ARFGEF3: variants seen among roughly 807,000 people sequenced by gnomAD.
ARFGEF3 encodes brefeldin A-inhibited guanine nucleotide-exchange protein 3.
In ARFGEF3, 96 loss-of-function variants were observed where a neutral mutation model predicts 221.7. That is an observed-to-expected ratio of 0.43 (90% CI 0.37 to 0.51). ARFGEF3 has a LOEUF of 0.51. ARFGEF3 is among the 20% of genes least tolerant of loss of function. The pLI, the probability that ARFGEF3 is intolerant of heterozygous loss-of-function variation, is 0.00. For synonymous variants in ARFGEF3, 1,145 were observed against 1,126.8 expected, an observed-to-expected ratio of 1.02 and a Z score of -0.32; for missense variants, 2,410 against 2,789.9, an observed-to-expected ratio of 0.86 and a Z score of 3.07.
chr6:138,300,219 A>G (rs973440577), intron 22 of ARFGEF3, among the ~76,000 whole-genome samples: 2 of 152,262 alleles, frequency 1.3e-5, no homozygotes, highest in African/African-American at 4.8e-5. Context: ...GATTGAAATT[A>G]TAAGTTAACA....
intron 8 of ARFGEF3, among the ~76,000 whole-genome samples, chr6:138,248,608 A>G (rs1444771244): frequency 6.6e-6 from 1 of 152,024 alleles, no homozygotes; most frequent in Non-Finnish European, 1.5e-5. Flanking sequence ...AAACCTAGCT[A>G]GAGGTCAGGA....
At position 138,339,920 on chromosome 6, in the gene ARFGEF3, A is replaced by T. The variant is rs1049607279; in HGVS notation, c.*3434A>T. 10 of 152,210 alleles carry T rather than the reference A, an allele frequency of 6.6e-5. No homozygotes were observed. Among genetic ancestry groups the T allele is most frequent in the African/African-American group, 2.4e-4 (10 of 41,458 alleles). The allele number at this position is 152,210 out of a possible 1,614,324, so 9.4% of individuals were successfully genotyped here. On this transcript the variant is annotated 3_prime_UTR_variant, in exon 34 of 34. Coordinates refer to ENST00000251691, the MANE Select transcript of ARFGEF3 (RefSeq NM_020340.5). ...TAAGAACCCAGGCAGATGCTAACAT[A>T]CTTAACAGCTCGCATTAAAATACTT... is the stretch of plus-strand genomic sequence containing the variant.
rs1381796814 is a variant in ARFGEF3 at position 138,280,095 on chromosome 6, A to T, written c.2392A>T (p.Met798Leu). The change falls in exon 14 of 34, where the codon ATG becomes TTG. Residue 798 changes from methionine (M) to leucine (L), a missense_variant. Physicochemically the swap from Met to Leu is conservative, Grantham distance 15. Around this residue, in one of 5 missense-constraint regions of ARFGEF3, gnomAD observed 594 missense variants for 734.3 expected, o/e 0.81. Coordinates refer to ENST00000251691, the MANE Select transcript of ARFGEF3 (RefSeq NM_020340.5). ...CTACCATCAGGTGCTCGACAGGAAC[A>T]TGCTTGGAGAGGCTGGCTATTGGGG... ...ELYHQVLDRN[M>L]LGEAGYWGSP... The T allele has an allele frequency of 1.2e-6, 2 of 1,613,944 alleles. No homozygotes were observed. The highest frequency in any genetic ancestry group is 4.5e-5 in the East Asian group (2 of 44,880).
chr6:138,218,199 G>C (rs757860303), intron 4 of ARFGEF3: 2 of 1,613,886 alleles, frequency 1.2e-6, no homozygotes, highest in Admixed American at 3.3e-5. Context: ...AATGAACTCT[G>C]TTGCCTTTTG....
intron 12 of ARFGEF3, among the ~76,000 whole-genome samples, chr6:138,265,079 AT>A (rs1228851276): frequency 6.6e-6 from 1 of 151,838 alleles, no homozygotes; most frequent in Admixed American, 6.6e-5. Context: ...AATTTTTTGT[AT>A]TTTTAGTAGA....
intron 6 of ARFGEF3, among the ~76,000 whole-genome samples, chr6:138,239,534 A>G (rs1305440109): frequency 6.6e-6 from 1 of 151,810 alleles, no homozygotes; most frequent in Non-Finnish European, 1.5e-5. Flanking sequence ...CTGTAATCCC[A>G]GCTACTTGGG....
Position 138,278,573 on chromosome 6 carries a change from G to A in ARFGEF3, c.2251G>A (p.Gly751Ser), listed in dbSNP as rs765088385. 2.6e-5 allele frequency: 42 copies of A among 1,613,820 alleles called. No individual in the cohort carries two copies. Among genetic ancestry groups the A allele is most frequent in the African/African-American group, 1.6e-4 (12 of 74,926 alleles). ...ALLLNLKLSH[G>S]DYYRKRPTLA... is the part of the protein sequence containing the mutation. ...GCTCCTCAACCTGAAGCTCTCCCAC[G>A]GTGACTACTACAGGAAGCGGCCGAC... The change falls in exon 13 of 34, where the codon GGT becomes AGT. Residue 751 changes from glycine (G) to serine (S), a missense_variant. Physicochemically the swap from Gly to Ser is moderately conservative, Grantham distance 56. Around this residue, in one of 5 missense-constraint regions of ARFGEF3, gnomAD observed 594 missense variants for 734.3 expected, o/e 0.81. Coordinates refer to ENST00000251691, the MANE Select transcript of ARFGEF3 (RefSeq NM_020340.5).
At chr6:138,269,626 T>C (rs1407321291) in intron 12 of ARFGEF3, among the ~76,000 whole-genome samples, 4 of 151,934 alleles carry the variant, frequency 2.6e-5, no homozygotes, top group Non-Finnish European at 5.9e-5. Context: ...CTGACCAACA[T>C]GGAGAAACCC....
chr6:138,209,098 G>C (rs948016384), intron 3 of ARFGEF3, among the ~76,000 whole-genome samples: 1 of 152,110 alleles, frequency 6.6e-6, no homozygotes, highest in Non-Finnish European at 1.5e-5. Flanking sequence ...TCTTCTTGTT[G>C]AGGTTTTGGG....
chr6:138,262,870 G>A lies in ARFGEF3; in HGVS notation c.1387G>A (p.Asp463Asn), dbSNP rs1778818625. The A allele has an allele frequency of 1.9e-6, 3 of 1,613,940 alleles. No homozygotes were observed. The highest frequency in any genetic ancestry group is 2.2e-5 in the South Asian group (2 of 91,074). The part of the protein sequence containing the change: ...LLLLRLEELK[D>N]GAEWSRDSME... The stretch of plus-strand genomic sequence containing the variant: ...GCTTCTGCGCCTTGAGGAGCTGAAG[G>A]ATGGGGCTGAGTGGAGCCGAGATTC... The change falls in exon 12 of 34, where the codon GAT becomes AAT. Residue 463 changes from aspartate (D) to asparagine (N), a missense_variant. Transcript: ENST00000251691.
At position 138,337,656 on chromosome 6, in the gene ARFGEF3, T is replaced by C. The variant is rs1216531758; in HGVS notation, c.*1170T>C. 1 of 152,226 alleles carries C rather than the reference T, an allele frequency of 6.6e-6. No homozygotes were observed. The highest frequency in any genetic ancestry group is 1.5e-5 in the Non-Finnish European group (1 of 68,020). 9.4% of individuals were successfully genotyped at this position (152,226 alleles called of 1,614,324 possible). Reference sequence around the variant, plus strand: ...TAGAAAATTTTGTCGATTTAAAATATTTCTCCTATCTACCAAGTAAAGTTA... The same window carrying C: ...TAGAAAATTTTGTCGATTTAAAATACTTCTCCTATCTACCAAGTAAAGTTA... On this transcript the variant is annotated 3_prime_UTR_variant, in exon 34 of 34. Transcript: ENST00000251691.
Position 138,334,458 on chromosome 6 carries a change from C to A in ARFGEF3, c.5612C>A (p.Pro1871His), listed in dbSNP as rs1339810423. The A allele has an allele frequency of 6.2e-7, 1 of 1,611,736 alleles. No individual in the cohort carries two copies. Among genetic ancestry groups the A allele is most frequent in the African/African-American group, 1.3e-5 (1 of 74,972 alleles). ...TTTGAGGAAACCGCCCAGGTCAGCCCCCCGAGAGGCAAGGAGAAGAGACAG... is the reference window on the plus strand; with the variant it reads ...TTTGAGGAAACCGCCCAGGTCAGCCACCCGAGAGGCAAGGAGAAGAGACAG... ...DIFEETAQVS[P>H]PRGKEKRQWR... Residue 1871 changes from proline to histidine, a missense_variant, in exon 33 of 34, where the codon CCC becomes CAC. Pro to His is a moderately conservative substitution (Grantham distance 77). Around this residue, in one of 5 missense-constraint regions of ARFGEF3, gnomAD observed 723 missense variants for 991.9 expected, o/e 0.73. Coordinates refer to ENST00000251691, the MANE Select transcript of ARFGEF3 (RefSeq NM_020340.5). This position sits in a 1 kb window ranked among gnomAD's most constrained non-coding sequence, Gnocchi z 5.1.
In ARFGEF3 at chr6:138,342,206, G is replaced by A. The variant is rs985721636; in HGVS notation, c.*5720G>A. ...TTTAAAATAAGACACAGATTGCTGG[G>A]CTCATGGTCAGAGTTCCCAGTTAAG... On this transcript the variant is annotated 3_prime_UTR_variant, in exon 34 of 34. Transcript: ENST00000251691. The A allele has an allele frequency of 2.0e-5, 3 of 152,134 alleles. No homozygotes were observed. Among genetic ancestry groups the A allele is most frequent in the Non-Finnish European group, 4.4e-5 (3 of 68,036 alleles). The allele number at this position is 152,134 out of a possible 1,614,324, so 9.4% of individuals were successfully genotyped here.
intron 3 of ARFGEF3, 57 bp downstream of exon 3, chr6:138,207,180 T>A: frequency 7.5e-7 from 1 of 1,341,428 alleles, no homozygotes; most frequent in Non-Finnish European, 1.1e-6. Context: ...ACTTTGGCAT[T>A]GAAAGGGCAA....
chr6:138,178,237 G>A (rs1776994196), intron 2 of ARFGEF3, among the ~76,000 whole-genome samples: 1 of 152,122 alleles, frequency 6.6e-6, no homozygotes, highest in South Asian at 2.1e-4. Flanking sequence ...ATGAAATATA[G>A]CATACTTGTC....
chr6:138,296,007 G>C (rs1162155156), intron 20 of ARFGEF3, among the ~76,000 whole-genome samples: 1 of 152,216 alleles, frequency 6.6e-6, no homozygotes, highest in East Asian at 1.9e-4. Flanking sequence ...TAGGACATGA[G>C]CAGGGAGAGA....
intron 4 of ARFGEF3, among the ~76,000 whole-genome samples, chr6:138,228,520 G>A (rs898652181): frequency 1.3e-5 from 2 of 151,794 alleles, no homozygotes; most frequent in African/African-American, 4.8e-5. Flanking sequence ...GTTGATTCTT[G>A]GATTAAGTCC....
rs1378401292 is a variant in ARFGEF3 at position 138,337,793 on chromosome 6, T to C, written c.*1307T>C. On this transcript the variant is annotated 3_prime_UTR_variant, in exon 34 of 34. Coordinates refer to ENST00000251691, the MANE Select transcript of ARFGEF3 (RefSeq NM_020340.5). Reference sequence around the variant, plus strand: ...CTTATTATTTACAGTATTTTTATATTTCTTACATTATCCTAATGATTGAAA... The same window carrying C: ...CTTATTATTTACAGTATTTTTATATCTCTTACATTATCCTAATGATTGAAA... The C allele has an allele frequency of 6.6e-6, 1 of 152,214 alleles. No individual in the cohort carries two copies. The highest frequency in any genetic ancestry group is 1.5e-5 in the Non-Finnish European group (1 of 68,038). 9.4% of individuals were successfully genotyped at this position (152,214 alleles called of 1,614,324 possible). A position where few individuals can be genotyped will look rare whatever the true frequency, so the allele number is the denominator to read the frequency against.
chr6:138,187,561 T>C (rs1228206847), intron 2 of ARFGEF3, among the ~76,000 whole-genome samples: 1 of 152,182 alleles, frequency 6.6e-6, no homozygotes, highest in Non-Finnish European at 1.5e-5. Context: ...CATAAGAATA[T>C]TGGGTCCATG....
Sources: gnomAD v4.1 joint callset for allele counts (sites outside exome capture counted in the v4.1 genomes callset) on GRCh38, gnomAD v4.1.1 for gene constraint, gnomAD v4.1.1 regional missense constraint, Gnocchi (gnomAD v3.1) non-coding constraint, MANE v1.5 for transcripts, NCBI Gene and HGNC (gene_info 2026-07-23, HGNC 2026-07-21) for gene names.